HIGD1A: variants seen among roughly 807,000 people sequenced by gnomAD.
HIGD1A encodes the protein HIG1 domain family member 1A, mitochondrial.
In HIGD1A, 8 loss-of-function variants were observed where a neutral mutation model predicts 11.3. The observed-to-expected ratio is 0.71, with a 90% CI of 0.42 to 1.28. HIGD1A has a LOEUF of 1.28. Ranked by LOEUF, HIGD1A falls within the 50% of genes most tolerant of loss-of-function variation. The pLI is 0.01. For synonymous variants in HIGD1A, 32 were observed against 38.4 expected (o/e 0.83, Z 0.62); for missense variants, 107 against 118.8 (o/e 0.90, Z 0.46).
intron 1 of HIGD1A, among the ~76,000 whole-genome samples, chr3:42,801,631 A>G (rs1411863229): frequency 6.6e-6 from 1 of 152,224 alleles, no homozygotes; most frequent in Non-Finnish European, 1.5e-5. Context: ...TTAATCAGTA[A>G]GAAAAATGCC....
At chr3:42,796,336 A>G (rs1308033654) in intron 1 of HIGD1A, among the ~76,000 whole-genome samples, 1 of 152,222 alleles carries the variant, frequency 6.6e-6, no homozygotes. Flanking sequence ...GCTTTATTAT[A>G]TATAAGGTTC....
chr3:42,796,648 G>A (rs1252270247), intron 1 of HIGD1A, among the ~76,000 whole-genome samples: 1 of 152,140 alleles, frequency 6.6e-6, no homozygotes, highest in Non-Finnish European at 1.5e-5. Context: ...GGATAATTTG[G>A]TGGGTGGGGG....
At position 42,804,419 on chromosome 3, in the gene HIGD1A, C is replaced by G; in HGVS notation, c.-23+17G>C. The G allele has an allele frequency of 2.0e-6, 1 of 502,728 alleles. No homozygotes were observed. The highest frequency in any genetic ancestry group is 3.4e-5 in the East Asian group (1 of 29,350). The allele number at this position is 502,728 out of a possible 1,614,324, so 31.1% of individuals were successfully genotyped here. A position where few individuals can be genotyped will look rare whatever the true frequency, so the allele number is the denominator to read the frequency against. On this transcript the variant is annotated intron_variant, in intron 1 of 3. Transcript: ENST00000321331. ...CCCGAGTCCCTGGCTCGCAGTCCCC[C>G]GGCTTGTTTCGCTTACCTAGAGCGA...
chr3:42,789,838 A>G (rs7641046), intron 2 of HIGD1A, among the ~76,000 whole-genome samples: 39,018 of 151,888 alleles, frequency 0.26, 6,074 homozygotes, highest in East Asian at 0.69. Context: ...CTCCCATCTC[A>G]GCCTCCCAAG....
In HIGD1A at chr3:42,784,458, T is replaced by G. The variant is rs1253304919; in HGVS notation, c.*813A>C. On this transcript the variant is annotated 3_prime_UTR_variant, in exon 4 of 4. Coordinates refer to ENST00000321331, the MANE Select transcript of HIGD1A (RefSeq NM_014056.4). ...CTGGCCAAACCAGCTTGCTCATAAG[T>G]CATTAACCAAATCCATTATAGGTAA... 1 of 152,470 alleles carries G rather than the reference T, an allele frequency of 6.6e-6. No individual in the cohort carries two copies. The highest frequency in any genetic ancestry group is 1.5e-5 in the Non-Finnish European group (1 of 68,052). The allele number at this position is 152,470 out of a possible 1,614,324, so 9.4% of individuals were successfully genotyped here.
chr3:42,795,495 T>A (rs554075385), intron 1 of HIGD1A, among the ~76,000 whole-genome samples: 2 of 152,222 alleles, frequency 1.3e-5, no homozygotes, highest in Non-Finnish European at 2.9e-5. Flanking sequence ...ATTACAGGCA[T>A]GAGCTACCAC....
At chr3:42,795,358 A>G (rs564257078) in intron 1 of HIGD1A, among the ~76,000 whole-genome samples, 1 of 152,000 alleles carries the variant, frequency 6.6e-6, no homozygotes, top group African/African-American at 2.4e-5. Context: ...ACCTGGGATT[A>G]GAAGTGCCTG....
intron 2 of HIGD1A, among the ~76,000 whole-genome samples, chr3:42,791,868 C>T (rs1185585474): frequency 3.3e-5 from 5 of 152,066 alleles, no homozygotes; most frequent in East Asian, 1.9e-4. Flanking sequence ...GCAGGAAGTA[C>T]GTGCTCAAAT....
intron 2 of HIGD1A, among the ~76,000 whole-genome samples, chr3:42,788,386 G>A (rs1350196469): frequency 1.3e-5 from 2 of 152,054 alleles, no homozygotes; most frequent in Admixed American, 6.5e-5. Context: ...AATAACCATA[G>A]AAAGAATTAA....
chr3:42,804,439 G>T lies in HIGD1A; in HGVS notation c.-26C>A. 2.1e-6 allele frequency: 1 copy of T among 478,420 alleles called. No individual in the cohort carries two copies. The highest frequency in any genetic ancestry group is 3.7e-6 in the Non-Finnish European group (1 of 270,052). The allele number at this position is 478,420 out of a possible 1,614,324, so 29.6% of individuals were successfully genotyped here. On this transcript the variant is annotated 5_prime_UTR_variant, in exon 1 of 4. Transcript: ENST00000321331. ...TCCCCCGGCTTGTTTCGCTTACCTA[G>T]AGCGAGAAAACCTCTCACACCCCAA...
At chr3:42,802,083 A>T (rs1303673501) in intron 1 of HIGD1A, among the ~76,000 whole-genome samples, 1 of 152,226 alleles carries the variant, frequency 6.6e-6, no homozygotes, top group Non-Finnish European at 1.5e-5. Flanking sequence ...AAAAATAGCA[A>T]GAAAGTTGGT....
intron 1 of HIGD1A, chr3:42,804,039 G>T (rs116420319): frequency 2.1e-6 from 2 of 939,474 alleles, no homozygotes; most frequent in Non-Finnish European, 3.2e-6. Flanking sequence ...CGCTTAGCCC[G>T]CTCTTCAGAA....
At chr3:42,799,615 G>GT (rs57590070) in intron 1 of HIGD1A, among the ~76,000 whole-genome samples, 1,916 of 147,618 alleles carry the variant, frequency 0.013, 22 homozygotes, top group African/African-American at 0.03. Flanking sequence ...ACCATGCCTG[G>GT]TTTTTTTTTT....
intron 3 of HIGD1A, among the ~76,000 whole-genome samples, chr3:42,785,643 A>G (rs2125923348): frequency 6.6e-6 from 1 of 152,326 alleles, no homozygotes; most frequent in East Asian, 1.9e-4. Context: ...GATAAAGTCA[A>G]TGAATTATAA....
At chr3:42,795,146 C>A (rs144489413) in intron 1 of HIGD1A, among the ~76,000 whole-genome samples, 4 of 150,676 alleles carry the variant, frequency 2.7e-5, no homozygotes, top group Non-Finnish European at 5.9e-5. Flanking sequence ...CCTGACCTCA[C>A]GTGATCCACC....
chr3:42,794,067 G>C, intron 2 of HIGD1A, 90 bp downstream of exon 2: 18 of 1,299,412 alleles, frequency 1.4e-5, no homozygotes, highest in Non-Finnish European at 1.8e-5. Context: ...AGAAAAAAAT[G>C]GAAAATACAT....
At chr3:42,786,966 T>G (rs145642432) in intron 2 of HIGD1A, among the ~76,000 whole-genome samples, 13 of 152,094 alleles carry the variant, frequency 8.5e-5, no homozygotes, top group Non-Finnish European at 1.6e-4. Context: ...TACAAAAACC[T>G]AGAGGAAAAT....
intron 1 of HIGD1A, among the ~76,000 whole-genome samples, chr3:42,803,589 A>C (rs1185762227): frequency 1.3e-5 from 2 of 152,212 alleles, no homozygotes; most frequent in Non-Finnish European, 2.9e-5. Context: ...AACCTGTTAG[A>C]ACTTTCCATC....
intron 1 of HIGD1A, among the ~76,000 whole-genome samples, chr3:42,794,492 C>T (rs1462026232): frequency 6.6e-6 from 1 of 152,078 alleles, no homozygotes; most frequent in Non-Finnish European, 1.5e-5. Context: ...ATTATTTTGC[C>T]GTTTCCCCTG....
Sources: allele counts gnomAD v4.1 joint callset (sites outside exome capture counted in the v4.1 genomes callset), GRCh38; gene constraint gnomAD v4.1.1; transcripts MANE v1.5; gene names NCBI Gene and HGNC (gene_info 2026-07-23, HGNC 2026-07-21).